The following AHCTF1 variants were observed in gnomAD, a reference collection of about 807,000 sequenced individuals.
AHCTF1 encodes the protein protein ELYS.
Under a neutral mutation model 248.4 loss-of-function variants are expected in AHCTF1, and 24 were observed. The observed-to-expected ratio is 0.10, with a 90% CI of 0.07 to 0.14. AHCTF1 has a LOEUF of 0.14. Among genes scored for constraint, AHCTF1 ranks in the 10% least tolerant of loss-of-function variants. The probability of loss-of-function intolerance (pLI) is 1.00; values close to 1 mark genes in which losing one functional copy is unlikely to be tolerated. For synonymous variants in AHCTF1, 786 were observed against 929.8 expected, an observed-to-expected ratio of 0.85 and a Z score of 2.81; for missense variants, 2,206 against 2,636.2, an observed-to-expected ratio of 0.84 and a Z score of 3.57.
chr1:246,839,441 T>G lies in AHCTF1; in HGVS notation c.*1365A>C, dbSNP rs1659685824. 3 of 610,634 alleles carry G rather than the reference T, an allele frequency of 4.9e-6. No individual in the cohort carries two copies. The highest frequency in any genetic ancestry group is 2.0e-5 in the African/African-American group (1 of 49,386). 37.8% of individuals were successfully genotyped at this position (610,634 alleles called of 1,614,324 possible). ...AATATTCCATAAATGACAAGCAGCT[T>G]AAATACAAGTTTGATAACTATCATT... On this transcript the variant is annotated 3_prime_UTR_variant, in exon 36 of 36. Coordinates refer to ENST00000648844, the MANE Select transcript of AHCTF1 (RefSeq NM_001323342.2).
chr1:246,873,277 A>G (rs924472601), intron 24 of AHCTF1, among the ~76,000 whole-genome samples: 2 of 152,248 alleles, frequency 1.3e-5, no homozygotes, highest in Non-Finnish European at 2.9e-5. Flanking sequence ...AAATCACCAT[A>G]TAAAAAAATA....
chr1:246,881,833 G>A (rs1289058214), intron 21 of AHCTF1, among the ~76,000 whole-genome samples: 5 of 120,764 alleles, frequency 4.1e-5, no homozygotes, highest in African/African-American at 1.0e-4. Context: ...GCAAGGCTCC[G>A]TCTCAAAAAA....
intron 34 of AHCTF1, 131 bp downstream of exon 34, chr1:246,843,664 T>G: frequency 1.2e-6 from 1 of 835,028 alleles, no homozygotes; most frequent in African/African-American, 1.8e-5. Context: ...CTGTTATCTT[T>G]AAGACATTTA....
At chr1:246,876,852 C>G (rs1048220929) in intron 23 of AHCTF1, 98 bp downstream of exon 23, 2 of 1,417,754 alleles carry the variant, frequency 1.4e-6, no homozygotes, top group Admixed American at 2.1e-5. Context: ...ATGCTAGGCA[C>G]AGTGGTTACC....
At chr1:246,902,470 G>A in intron 8 of AHCTF1, 55 bp downstream of exon 8, 2 of 1,555,780 alleles carry the variant, frequency 1.3e-6, no homozygotes, top group East Asian at 2.3e-5. Context: ...AATAACACCT[G>A]TCATAAATTT....
At chr1:246,855,949 C>T (rs1661084918) in intron 30 of AHCTF1, 122 bp from the exon 31 acceptor site, 4 of 563,764 alleles carry the variant, frequency 7.1e-6, no homozygotes, top group Non-Finnish European at 9.2e-6. Flanking sequence ...GAATTCAATA[C>T]AACTCAAGCT....
intron 32 of AHCTF1, among the ~76,000 whole-genome samples, chr1:246,852,480 T>C (rs1343562430): frequency 1.3e-5 from 2 of 152,254 alleles, no homozygotes; most frequent in South Asian, 2.1e-4. Context: ...TTTGGTATAA[T>C]AGAATTTTTT....
At chr1:246,858,170 A>AT (rs1444948800) in intron 29 of AHCTF1, among the ~76,000 whole-genome samples, 2 of 151,884 alleles carry the variant, frequency 1.3e-5, no homozygotes, top group Admixed American at 1.3e-4. Context: ...TGTTTTAGCC[A>AT]GGATGGTCTC....
At chr1:246,870,750 TATTTA>T (rs751176388) in intron 24 of AHCTF1, among the ~76,000 whole-genome samples, 65 of 146,662 alleles carry the variant, frequency 4.4e-4, no homozygotes, top group Non-Finnish European at 5.9e-4. Context: ...AGCCCTAGGC[TATTTA>T]ATTTCTCAGG....
At chr1:246,859,953 T>A (rs1191055853) in intron 29 of AHCTF1, among the ~76,000 whole-genome samples, 1 of 152,040 alleles carries the variant, frequency 6.6e-6, no homozygotes, top group African/African-American at 2.4e-5. Context: ...TTAAAACTGG[T>A]GGATAAGTTA....
At chr1:246,925,234 G>A (rs1345429682) in intron 1 of AHCTF1, among the ~76,000 whole-genome samples, 6 of 152,080 alleles carry the variant, frequency 3.9e-5, no homozygotes, top group African/African-American at 7.2e-5. Flanking sequence ...TGGATAATGA[G>A]CAAAAAAGTT....
chr1:246,902,403 A>T (rs1665067547), intron 8 of AHCTF1, 122 bp downstream of exon 8: 2 of 1,233,772 alleles, frequency 1.6e-6, no homozygotes, highest in East Asian at 4.7e-5. Flanking sequence ...AGAACTGAAT[A>T]AATTCCGTTA....
At chr1:246,903,770 G>A (rs947804499) in intron 7 of AHCTF1, among the ~76,000 whole-genome samples, 179 bp downstream of exon 7, 5 of 150,914 alleles carry the variant, frequency 3.3e-5, no homozygotes, top group Admixed American at 1.3e-4. Flanking sequence ...TCCGGGTGGC[G>A]GAGGTTGCAG....
At chr1:246,855,123 A>T (rs752056188) in intron 31 of AHCTF1, among the ~76,000 whole-genome samples, 3 of 152,230 alleles carry the variant, frequency 2.0e-5, no homozygotes, top group Non-Finnish European at 4.4e-5. Flanking sequence ...GTCAGATAAC[A>T]ACTATGTCAT....
intron 31 of AHCTF1, 98 bp from the exon 32 acceptor site, chr1:246,853,397 T>C: frequency 2.2e-6 from 2 of 921,422 alleles, no homozygotes; most frequent in Non-Finnish European, 3.3e-6. Context: ...TGCACTTGAA[T>C]AGTGTATTAA....
intron 21 of AHCTF1, among the ~76,000 whole-genome samples, chr1:246,877,927 T>G (rs901605528): frequency 2.0e-5 from 3 of 152,092 alleles, no homozygotes; most frequent in Admixed American, 2.0e-4. Flanking sequence ...TTATTTATTT[T>G]TATTTTTTTT....
rs142129636 is a variant in AHCTF1 at position 246,898,253 on chromosome 1, A to G, written c.1578T>C (p.Leu526=). Residue 526 remains leucine (L), a synonymous_variant, in exon 12 of 36, where the codon CTT becomes CTC. Coordinates refer to ENST00000648844, the MANE Select transcript of AHCTF1 (RefSeq NM_001323342.2). Reference sequence around the variant, plus strand: ...GAACATCAACAAATCTTGGGGAAAGAAGGCCAGCTACAAGACATCGATTAT... The same window carrying G: ...GAACATCAACAAATCTTGGGGAAAGGAGGCCAGCTACAAGACATCGATTAT... ...DGYNRCLVAG[L]LSPRFVDVQP... The G allele has an allele frequency of 7.4e-6, 12 of 1,612,500 alleles. No homozygotes were observed. The highest frequency in any genetic ancestry group is 1.0e-5 in the Non-Finnish European group (12 of 1,180,002).
Position 246,877,312 on chromosome 1 carries a change from G to GT in AHCTF1, c.2661-11dup, listed in dbSNP as rs769825671. On this transcript the variant is annotated splice_polypyrimidine_tract_variant and intron_variant, in intron 21 of 35. Coordinates refer to ENST00000648844, the MANE Select transcript of AHCTF1 (RefSeq NM_001323342.2). Reference sequence around the variant, plus strand: ...GGCTTCAACCATACACCTGAAAGCAGTATTTATCAAAGTTTAGTTTTAGAA... The same window carrying GT: ...GGCTTCAACCATACACCTGAAAGCAGTTATTTATCAAAGTTTAGTTTTAGAA... 1 of 1,549,078 alleles carries GT rather than the reference G, an allele frequency of 6.5e-7. No homozygotes were observed. Among genetic ancestry groups the GT allele is most frequent in the African/African-American group, 1.4e-5 (1 of 72,246 alleles).
Position 246,908,094 on chromosome 1 carries a change from A to G in AHCTF1, c.557-336T>C, listed in dbSNP as rs552564781. Among the ~76,000 whole-genome samples the G allele has an allele frequency of 3.9e-5, 6 of 152,248 alleles. No individual in the cohort carries two copies. The East Asian group carries it at 1.2e-3, about 29-fold the overall frequency. Reference sequence around the variant, plus strand: ...ATTGAAATTTAGAACTACTACCTAAATACCTTCCTTGGAGCAATGGCTGAT... The same window carrying G: ...ATTGAAATTTAGAACTACTACCTAAGTACCTTCCTTGGAGCAATGGCTGAT... On this transcript the variant is annotated intron_variant, in intron 4 of 35. Coordinates refer to ENST00000648844, the MANE Select transcript of AHCTF1 (RefSeq NM_001323342.2).
Sources: gnomAD v4.1 joint callset for allele counts (sites outside exome capture counted in the v4.1 genomes callset) on GRCh38, gnomAD v4.1.1 for gene constraint, MANE v1.5 for transcripts, NCBI Gene and HGNC (gene_info 2026-07-23, HGNC 2026-07-21) for gene names.